Variants in DNAH14 observed in about 807,000 individuals in gnomAD.
DNAH14 encodes axonemal beta dynein heavy chain 14.
Under a neutral mutation model 520.9 loss-of-function variants are expected in DNAH14, and 478 were observed. The observed-to-expected ratio is 0.92, with a 90% CI of 0.85 to 0.99. The LOEUF is 0.99. Among genes scored for constraint, DNAH14 ranks in the 50% least tolerant of loss-of-function variants. The pLI, the probability that DNAH14 is intolerant of heterozygous loss-of-function variation, is 0.00. For missense variants in DNAH14, 4,831 were observed against 5,234.5 expected, an observed-to-expected ratio of 0.92 and a Z score of 2.38; for synonymous variants, 1,581 against 1,757.2, an observed-to-expected ratio of 0.90 and a Z score of 2.51.
chr1:225,114,494 T>A (rs1056463073), intron 23 of DNAH14, among the ~76,000 whole-genome samples: 7 of 152,196 alleles, frequency 4.6e-5, no homozygotes, highest in African/African-American at 1.4e-4. Flanking sequence ...TTGCTTCAGC[T>A]GGTGTCTCAA....
intron 10 of DNAH14, among the ~76,000 whole-genome samples, chr1:225,018,810 T>G (rs893609692): frequency 1.3e-5 from 2 of 152,126 alleles, no homozygotes; most frequent in Non-Finnish European, 2.9e-5. Flanking sequence ...CTAAGCTTCA[T>G]AAGCAAAGGA....
intron 8 of DNAH14, among the ~76,000 whole-genome samples, chr1:224,989,691 A>G (rs1279761890): frequency 6.6e-6 from 1 of 152,166 alleles, no homozygotes; most frequent in African/African-American, 2.4e-5. Flanking sequence ...TGTTAGCTGT[A>G]GACTTTTGTC....
chr1:225,084,886 G>A (rs1047033784), intron 20 of DNAH14, among the ~76,000 whole-genome samples: 6 of 125,026 alleles, frequency 4.8e-5, no homozygotes, highest in East Asian at 2.4e-4. Context: ...CATTAGGCAC[G>A]AACTTTGATG....
intron 43 of DNAH14, among the ~76,000 whole-genome samples, chr1:225,247,199 G>T (rs552472514): frequency 6.6e-6 from 1 of 152,178 alleles, no homozygotes; most frequent in East Asian, 1.9e-4. Context: ...ACACAGAGAG[G>T]GGAACATCAC....
At position 225,337,349 on chromosome 1, in the gene DNAH14, G is replaced by A. The variant is rs773655365; in HGVS notation, c.10164G>A (p.Trp3388Ter). 7.1e-6 allele frequency: 11 copies of A among 1,551,524 alleles called. No homozygotes were observed. Among genetic ancestry groups the A allele is most frequent in the Non-Finnish European group, 9.6e-6 (11 of 1,147,004 alleles). The change falls in exon 67 of 86, where the codon TGG (tryptophan) becomes TGA (stop). Residue 3388 changes from tryptophan to a stop codon, truncating the protein, a stop_gained. Coordinates refer to ENST00000682510, the MANE Select transcript of DNAH14 (RefSeq NM_001367479.1). LOFTEE classifies it high-confidence loss of function. ...TCTTGATCAAGAATGGCCAGCAGTG[G>A]CCACTGCTGATTGACCCACATAGGC... ...NAILIKNGQQWPLLIDPHRQA... is the reference protein window; with the variant it reads ...NAILIKNGQQ
chr1:225,207,365 A>G (rs2087721560), intron 41 of DNAH14, 145 bp downstream of exon 41: 1 of 777,794 alleles, frequency 1.3e-6, no homozygotes, highest in African/African-American at 1.8e-5. Context: ...CACATGGAAC[A>G]AATTAAAAAC....
Position 224,929,711 on chromosome 1 carries a change from C to T in DNAH14, c.-158C>T, listed in dbSNP as rs921994044. 1.0e-5 allele frequency: 7 copies of T among 702,284 alleles called. No homozygotes were observed. Among genetic ancestry groups the T allele is most frequent in the African/African-American group, 7.0e-5 (4 of 57,258 alleles). 43.5% of individuals were successfully genotyped at this position (702,284 alleles called of 1,614,324 possible). On this transcript the variant is annotated 5_prime_UTR_variant, in exon 1 of 86. Coordinates refer to ENST00000682510, the MANE Select transcript of DNAH14 (RefSeq NM_001367479.1). ...ACGGCCAGGAGGCGTCGGAGCCTGG[C>T]GTGGTAGGGCTGTGCTGCGCGGTCC...
intron 82 of DNAH14, 61 bp from the exon 83 acceptor site, chr1:225,389,673 C>A: frequency 1.3e-6 from 2 of 1,502,050 alleles, no homozygotes; most frequent in Non-Finnish European, 1.8e-6. Context: ...TGGCCCACAT[C>A]ACCCAAAGGT....
intron 42 of DNAH14, among the ~76,000 whole-genome samples, chr1:225,231,561 G>A (rs2091114413): frequency 6.6e-6 from 1 of 152,140 alleles, no homozygotes; most frequent in Admixed American, 6.5e-5. Flanking sequence ...CTAGCACATA[G>A]TAAGAGCAAT....
chr1:224,944,483 C>T (rs1261822361), intron 1 of DNAH14, among the ~76,000 whole-genome samples: 1 of 151,726 alleles, frequency 6.6e-6, no homozygotes, highest in African/African-American at 2.4e-5. Context: ...AGCATTTAGC[C>T]CATTTACATT....
At chr1:225,175,744 C>G (rs1386156407) in intron 36 of DNAH14, among the ~76,000 whole-genome samples, 1 of 144,254 alleles carries the variant, frequency 6.9e-6, no homozygotes, top group African/African-American at 2.7e-5. Context: ...CACTCTGTCC[C>G]CCTAACTAGA....
At chr1:225,078,050 A>G (rs2072512576) in intron 17 of DNAH14, among the ~76,000 whole-genome samples, 1 of 152,204 alleles carries the variant, frequency 6.6e-6, no homozygotes, top group Non-Finnish European at 1.5e-5. Context: ...AAACATGAAA[A>G]AATATGAAAA....
intron 8 of DNAH14, among the ~76,000 whole-genome samples, chr1:225,002,354 A>G (rs1183621255): frequency 6.6e-6 from 1 of 152,150 alleles, no homozygotes; most frequent in Non-Finnish European, 1.5e-5. Flanking sequence ...AGGTAGTTGG[A>G]GATTTTAAGA....
chr1:225,194,892 G>A (rs150621081), intron 38 of DNAH14, among the ~76,000 whole-genome samples: 2,836 of 152,176 alleles, frequency 0.019, 40 homozygotes, highest in Non-Finnish European at 0.024. Context: ...TATACATTGA[G>A]CCAATAACCA....
chr1:225,205,215 G>C (rs1196732449), intron 39 of DNAH14, among the ~76,000 whole-genome samples: 2 of 152,152 alleles, frequency 1.3e-5, no homozygotes, highest in Non-Finnish European at 2.9e-5. Context: ...TAACTCCCAA[G>C]GTGATGCTAT....
intron 10 of DNAH14, among the ~76,000 whole-genome samples, chr1:225,011,253 T>G (rs1252626958): frequency 2.0e-5 from 3 of 152,240 alleles, no homozygotes; most frequent in Non-Finnish European, 4.4e-5. Flanking sequence ...TAAACTTCCC[T>G]CTAAACACTG....
intron 11 of DNAH14, among the ~76,000 whole-genome samples, chr1:225,028,173 C>T (rs2066270086): frequency 1.3e-5 from 2 of 152,086 alleles, no homozygotes; most frequent in African/African-American, 4.8e-5. Context: ...TTATTACCAC[C>T]TATCTTCTGA....
rs2072823038 is a variant in DNAH14 at position 225,079,357 on chromosome 1, A to G, written c.2575A>G (p.Lys859Glu). The stretch of plus-strand genomic sequence containing the variant: ...AATGTCTCAGCTATATTCTGTTGCA[A>G]AGCATCACCAGATCCATATTTCAGA... ...LTMSQLYSVAKHHQIHISEEQ... is the reference protein window; with the variant it reads ...LTMSQLYSVAEHHQIHISEEQ... The change falls in exon 18 of 86, where the codon AAG becomes GAG. Residue 859 changes from lysine to glutamate, a missense_variant. Coordinates refer to ENST00000682510, the MANE Select transcript of DNAH14 (RefSeq NM_001367479.1). 6.4e-7 allele frequency: 1 copy of G among 1,550,704 alleles called. No homozygotes were observed. The highest frequency in any genetic ancestry group is 8.7e-7 in the Non-Finnish European group (1 of 1,146,768).
chr1:225,373,172 G>GAAAAAAAAAAA (rs3075885), intron 77 of DNAH14, among the ~76,000 whole-genome samples: 3 of 135,774 alleles, frequency 2.2e-5, no homozygotes, highest in African/African-American at 5.3e-5. Context: ...AGCATTTGTG[G>GAAAAAAAAAAA]AAAAAAAAAA....
Sources: gnomAD v4.1 joint callset for allele counts (sites outside exome capture counted in the v4.1 genomes callset) on GRCh38, gnomAD v4.1.1 for gene constraint, MANE v1.5 for transcripts, NCBI Gene and HGNC (gene_info 2026-07-23, HGNC 2026-07-21) for gene names.